The following IQCJ variants were observed in gnomAD, a reference collection of about 807,000 sequenced individuals.
The protein encoded by IQCJ is IQ domain-containing protein J.
IQCJ carries 9 observed loss-of-function variants against 11.0 expected under a neutral mutation model. That is an observed-to-expected ratio of 0.82 (90% CI 0.49 to 1.43). The LOEUF is 1.43. Ranked by LOEUF, IQCJ falls within the 40% of genes most tolerant of loss-of-function variation. The pLI, the probability that IQCJ is intolerant of heterozygous loss-of-function variation, is 0.00. For synonymous variants in IQCJ, 55 were observed against 51.3 expected (o/e 1.07, Z -0.31); for missense variants, 146 against 133.2 (o/e 1.10, Z -0.47).
chr3:159,231,261 C>G (rs1726230712), intron 1 of IQCJ, among the ~76,000 whole-genome samples: 1 of 152,196 alleles, frequency 6.6e-6, no homozygotes, highest in African/African-American at 2.4e-5. Flanking sequence ...AAGCTTACAT[C>G]AAATGAGGAA....
chr3:159,084,527 T>G (rs1045518205), intron 1 of IQCJ, among the ~76,000 whole-genome samples: 1 of 152,126 alleles, frequency 6.6e-6, no homozygotes, highest in Non-Finnish European at 1.5e-5. Context: ...GTGCATCCTG[T>G]AGACATGTTC....
At chr3:159,257,894 C>A (rs182552690) in intron 3 of IQCJ, among the ~76,000 whole-genome samples, 4 of 152,294 alleles carry the variant, frequency 2.6e-5, no homozygotes, top group African/African-American at 7.2e-5. Flanking sequence ...AATGGGGAGG[C>A]AGGGATCTGC....
chr3:159,252,587 C>G, intron 2 of IQCJ, 140 bp from the exon 3 acceptor site: 1 of 729,326 alleles, frequency 1.4e-6, no homozygotes, highest in Non-Finnish European at 2.0e-6. Flanking sequence ...CATCATCCAT[C>G]AACAGGAACT....
At chr3:159,257,775 G>A (rs755800562) in intron 3 of IQCJ, among the ~76,000 whole-genome samples, 12 of 152,204 alleles carry the variant, frequency 7.9e-5, no homozygotes, top group Admixed American at 1.3e-4. Flanking sequence ...GAAATAAGTA[G>A]GGGTTCTACT....
chr3:159,256,914 ATCC>A (rs1727929466), intron 3 of IQCJ, among the ~76,000 whole-genome samples: 1 of 152,184 alleles, frequency 6.6e-6, no homozygotes. Context: ...TACATACATT[ATCC>A]TTGACTTCTT....
intron 1 of IQCJ, among the ~76,000 whole-genome samples, chr3:159,233,560 G>A (rs574974423): frequency 3.1e-4 from 47 of 152,168 alleles, no homozygotes; most frequent in African/African-American, 2.4e-4. Flanking sequence ...TAATGTCATC[G>A]AGCACCTGCT....
chr3:159,247,128 A>G (rs1233666142), intron 2 of IQCJ, among the ~76,000 whole-genome samples: 1 of 152,018 alleles, frequency 6.6e-6, no homozygotes, highest in Non-Finnish European at 1.5e-5. Context: ...GTGGAGTCTC[A>G]CTCTGTTGCC....
chr3:159,144,441 A>T (rs1046154099), intron 1 of IQCJ, among the ~76,000 whole-genome samples: 1 of 152,182 alleles, frequency 6.6e-6, no homozygotes, highest in African/African-American at 2.4e-5. Flanking sequence ...AGGCTGAACA[A>T]ACATGTAGTT....
chr3:159,069,445 A>C lies in IQCJ; in HGVS notation c.9+4A>C. 1 of 1,608,562 alleles carries C rather than the reference A, an allele frequency of 6.2e-7. No homozygotes were observed. Among genetic ancestry groups the C allele is most frequent in the Non-Finnish European group, 8.5e-7 (1 of 1,177,776 alleles). Reference sequence around the variant, plus strand: ...CAGAAACTTCAAAATGCGTCTGGTAATGTATTTGCTTTTCTAAACGTGCCA... The same window carrying C: ...CAGAAACTTCAAAATGCGTCTGGTACTGTATTTGCTTTTCTAAACGTGCCA... On this transcript the variant is annotated splice_donor_region_variant and intron_variant, in intron 1 of 3. Transcript: ENST00000397832.
At chr3:159,252,299 C>T (rs1008366567) in intron 2 of IQCJ, among the ~76,000 whole-genome samples, 8 of 152,160 alleles carry the variant, frequency 5.3e-5, no homozygotes, top group African/African-American at 1.7e-4. Flanking sequence ...AGCCCTGAAA[C>T]GGCTTACAAA....
rs1224988707 is a variant in IQCJ, at chr3:159,236,267, T to TG, written c.10-9575dup. Among the ~76,000 whole-genome samples the TG allele has an allele frequency of 1.8e-4, 15 of 85,016 alleles. 1 individual carries two copies. Among genetic ancestry groups the TG allele is most frequent in the Middle Eastern group, 0.014 (2 of 142 alleles). The allele number at this position is 85,016 out of a possible 152,430, so 55.8% of individuals were successfully genotyped here. On this transcript the variant is annotated intron_variant, in intron 1 of 3. Coordinates refer to ENST00000397832, the MANE Select transcript of IQCJ (RefSeq NM_001042706.3). The stretch of plus-strand genomic sequence containing the variant: ...ACATAAACAAAATGTATGCTCCTTT[T>TG]GAAAAAAAAAAAAAAAAAACCAAGG...
intron 1 of IQCJ, among the ~76,000 whole-genome samples, chr3:159,197,525 G>A (rs1255078979): frequency 1.3e-5 from 2 of 152,158 alleles, no homozygotes; most frequent in African/African-American, 4.8e-5. Context: ...CAAATGTAGG[G>A]ATAATTTGCA....
chr3:159,198,023 T>C (rs954897132), intron 1 of IQCJ, among the ~76,000 whole-genome samples: 3 of 152,174 alleles, frequency 2.0e-5, no homozygotes, highest in African/African-American at 4.8e-5. Context: ...TTCTCCTCCA[T>C]GTACTCTGAT....
intron 1 of IQCJ, among the ~76,000 whole-genome samples, chr3:159,200,846 G>T (rs1329354283): frequency 6.6e-6 from 1 of 152,172 alleles, no homozygotes; most frequent in Non-Finnish European, 1.5e-5. Flanking sequence ...AGGGGAGAAG[G>T]CTAGTGTTGG....
chr3:159,185,868 T>TA (rs1172813357), intron 1 of IQCJ, among the ~76,000 whole-genome samples: 1 of 152,212 alleles, frequency 6.6e-6, no homozygotes, highest in African/African-American at 2.4e-5. Flanking sequence ...ACAAGCATTT[T>TA]AAAACCTCAT....
intron 1 of IQCJ, among the ~76,000 whole-genome samples, chr3:159,116,960 T>A (rs1719062619): frequency 6.6e-6 from 1 of 151,880 alleles, no homozygotes; most frequent in South Asian, 2.1e-4. Flanking sequence ...TGAATGGAGG[T>A]AGGGAGGAAA....
rs147384603 is a variant in IQCJ at position 159,169,175 on chromosome 3, C to T, written c.10-76668C>T. 2.2e-4 allele frequency among the ~76,000 whole-genome samples: 34 copies of T among 151,548 alleles called. No homozygotes were observed. The East Asian group carries it at 5.0e-3, about 22-fold the overall frequency. On this transcript the variant is annotated intron_variant, in intron 1 of 3. Transcript: ENST00000397832. ...GTGCTCAGATGATTAAGTAACTTGC[C>T]ATAACTTGCCAAAGAATGTATAACT...
chr3:159,180,931 C>G (rs1296065626), intron 1 of IQCJ, among the ~76,000 whole-genome samples: 3 of 151,972 alleles, frequency 2.0e-5, no homozygotes, highest in Non-Finnish European at 2.9e-5. Context: ...TTTCACTTAG[C>G]ACTGTGGCAC....
intron 1 of IQCJ, among the ~76,000 whole-genome samples, chr3:159,164,033 T>C (rs1487923164): frequency 1.3e-5 from 2 of 152,184 alleles, no homozygotes; most frequent in South Asian, 2.1e-4. Flanking sequence ...ATATGCAAAG[T>C]AGTTTAGAAA....
Sources: gnomAD v4.1 joint callset for allele counts (sites outside exome capture counted in the v4.1 genomes callset) on GRCh38, gnomAD v4.1.1 for gene constraint, MANE v1.5 for transcripts, NCBI Gene and HGNC (gene_info 2026-07-23, HGNC 2026-07-21) for gene names.